WDR93: variants seen among roughly 807,000 people sequenced by gnomAD.
WDR93 encodes WD repeat-containing protein 93.
WDR93 carries 73 observed loss-of-function variants against 82.9 expected under a neutral mutation model. That is an observed-to-expected ratio of 0.88 (90% confidence interval 0.73 to 1.07). The LOEUF (loss-of-function observed/expected upper bound fraction) is 1.07. WDR93 is among the 50% of genes least tolerant of loss of function. The pLI is 0.00. For missense variants in WDR93, 738 were observed against 826.0 expected (o/e 0.89, Z 1.31); for synonymous variants, 283 against 300.1 (o/e 0.94, Z 0.59).
At chr15:89,690,669 C>T, upstream of WDR93, 2 of 1,510,346 alleles carry the variant, frequency 1.3e-6, no homozygotes. Context: ...GCACGGGGCT[C>T]AGGCGTGGGT....
chr15:89,696,817 C>G (rs970024878), intron 1 of WDR93, among the ~76,000 whole-genome samples: 1 of 151,774 alleles, frequency 6.6e-6, no homozygotes, highest in Admixed American at 6.6e-5. Context: ...AATGGGATTG[C>G]TGGGTCATAT....
chr15:89,716,841 C>T (rs1161749282), intron 6 of WDR93, 70 bp from the exon 7 acceptor site: 8 of 1,093,434 alleles, frequency 7.3e-6, no homozygotes, highest in Non-Finnish European at 4.1e-6. Flanking sequence ...GAGAGCATGC[C>T]AGAAGATTAA....
At position 89,733,104 on chromosome 15, in the gene WDR93, C is replaced by A. The variant is rs1966891638; in HGVS notation, c.1429C>A (p.Pro477Thr). ...GGTCCACAAAGGACAGAATATGTATCCTGAAGGTCAAGTGAAATCCCAAAT... is the reference window on the plus strand; with the variant it reads ...GGTCCACAAAGGACAGAATATGTATACTGAAGGTCAAGTGAAATCCCAAAT... ...FSVHKGQNMY[P>T]EGQVKSQMKC... Residue 477 changes from proline (P) to threonine (T), a missense_variant, in exon 13 of 17, where the codon CCT becomes ACT. Physicochemically the swap from Pro to Thr is conservative, Grantham distance 38. Transcript: ENST00000268130. 1 of 1,614,170 alleles carries A rather than the reference C, an allele frequency of 6.2e-7. No individual in the cohort carries two copies. Among genetic ancestry groups the A allele is most frequent in the Non-Finnish European group, 8.5e-7 (1 of 1,180,034 alleles).
At chr15:89,712,396 CTTTTTTTTTTTTTTT>C (rs1170109589) in intron 5 of WDR93, among the ~76,000 whole-genome samples, 2 of 80,534 alleles carry the variant, frequency 2.5e-5, no homozygotes, top group South Asian at 1.0e-3. Flanking sequence ...TTCCACTAAT[CTTTTTTTTTTTTTTT>C]TTTTTTTTGC....
chr15:89,716,631 T>C (rs1966265755), intron 6 of WDR93, among the ~76,000 whole-genome samples: 1 of 152,256 alleles, frequency 6.6e-6, no homozygotes, highest in South Asian at 2.1e-4. Flanking sequence ...ATTCTTGTAA[T>C]GGTGTTCTGA....
chr15:89,705,697 T>C, intron 4 of WDR93, 79 bp downstream of exon 4: 1 of 942,564 alleles, frequency 1.1e-6, no homozygotes, highest in Non-Finnish European at 1.7e-6. Context: ...GAAGCAATGA[T>C]AGCTGGCCTA....
At chr15:89,690,478 C>T (rs1355322926), upstream of WDR93, 18 of 838,514 alleles carry the variant, frequency 2.1e-5, no homozygotes, top group Non-Finnish European at 3.0e-5. Context: ...CTGCTTCCAT[C>T]TACTAGGCTA....
intron 9 of WDR93, among the ~76,000 whole-genome samples, chr15:89,727,697 T>A (rs1341576421): frequency 6.6e-6 from 1 of 152,204 alleles, no homozygotes; most frequent in Non-Finnish European, 1.5e-5. Flanking sequence ...GAAATAGATA[T>A]CTATGGAAAT....
At chr15:89,711,735 T>C (rs1965988516) in intron 4 of WDR93, among the ~76,000 whole-genome samples, 1 of 152,168 alleles carries the variant, frequency 6.6e-6, no homozygotes, top group South Asian at 2.1e-4. Flanking sequence ...GGCTTTAGGG[T>C]TTGCACACCT....
intron 1 of WDR93, among the ~76,000 whole-genome samples, chr15:89,693,982 T>C (rs1235470551): frequency 6.6e-6 from 1 of 152,212 alleles, no homozygotes; most frequent in Non-Finnish European, 1.5e-5. Flanking sequence ...CAAACTGTTT[T>C]CCAAACCAGT....
At chr15:89,710,542 T>C (rs1965929550) in intron 4 of WDR93, among the ~76,000 whole-genome samples, 1 of 152,152 alleles carries the variant, frequency 6.6e-6, no homozygotes, top group East Asian at 1.9e-4. Flanking sequence ...ACTCATCAAG[T>C]TATGCATTTA....
At chr15:89,721,565 C>T (rs528811220) in intron 7 of WDR93, among the ~76,000 whole-genome samples, 3 of 152,292 alleles carry the variant, frequency 2.0e-5, no homozygotes, top group South Asian at 4.1e-4. Flanking sequence ...CACACACACA[C>T]GCACACACAA....
At chr15:89,691,755 T>G (rs1027276338) in intron 1 of WDR93, among the ~76,000 whole-genome samples, 1 of 151,132 alleles carries the variant, frequency 6.6e-6, no homozygotes, top group Non-Finnish European at 1.5e-5. Flanking sequence ...GGTGAACATT[T>G]TCGTAATCTT....
intron 14 of WDR93, among the ~76,000 whole-genome samples, chr15:89,736,664 G>A (rs1185713989): frequency 6.6e-6 from 1 of 152,136 alleles, no homozygotes; most frequent in East Asian, 1.9e-4. Context: ...AGAACATGGT[G>A]GAGACGAGTG....
chr15:89,717,764 G>C (rs1038625525), intron 7 of WDR93, among the ~76,000 whole-genome samples: 2 of 152,124 alleles, frequency 1.3e-5, no homozygotes, highest in Non-Finnish European at 2.9e-5. Context: ...TCATAGTTCT[G>C]TCTTCTTTTT....
intron 11 of WDR93, 54 bp from the exon 12 acceptor site, chr15:89,731,389 G>C: frequency 1.9e-6 from 3 of 1,601,512 alleles, no homozygotes; most frequent in Non-Finnish European, 2.6e-6. Context: ...AGGTAGAAGT[G>C]ATGGGTAGGT....
intron 1 of WDR93, among the ~76,000 whole-genome samples, chr15:89,692,646 A>G (rs1199783905): frequency 1.3e-5 from 2 of 152,112 alleles, no homozygotes; most frequent in East Asian, 3.9e-4. Flanking sequence ...TTTTGCTCTT[A>G]TTGCCCAGGC....
In WDR93 at chr15:89,729,090, T is replaced by A. The variant is rs761603122; in HGVS notation, c.1120T>A (p.Ser374Thr). ...AATGCCACCGGAAGTCAAGGGCCCC[T>A]CAGGTAAATGAACATGAAGTGGGTG... Reference protein sequence around the residue: ...FAMPPEVKGPSGMACVLGIHW... With the variant: ...FAMPPEVKGPTGMACVLGIHW... Residue 374 changes from serine (S) to threonine (T), a missense_variant, in exon 10 of 17, where the codon TCA (serine) becomes ACA (threonine). Physicochemically the swap from Ser to Thr is moderately conservative, Grantham distance 58. Transcript: ENST00000268130. The A allele has an allele frequency of 1.2e-6, 2 of 1,613,842 alleles. No individual in the cohort carries two copies. The highest frequency in any genetic ancestry group is 1.7e-6 in the Non-Finnish European group (2 of 1,179,816).
intron 13 of WDR93, among the ~76,000 whole-genome samples, chr15:89,734,019 G>GCA (rs1412461869): frequency 2.0e-5 from 3 of 151,868 alleles, no homozygotes; most frequent in Admixed American, 1.3e-4. Flanking sequence ...GTGTGCGCGC[G>GCA]CGCATGTGTG....
Sources: gnomAD v4.1 joint callset for allele counts (sites outside exome capture counted in the v4.1 genomes callset) on GRCh38, gnomAD v4.1.1 for gene constraint, MANE v1.5 for transcripts, NCBI Gene and HGNC (gene_info 2026-07-23, HGNC 2026-07-21) for gene names.